The following PLCD4 variants were observed in gnomAD, a reference collection of about 807,000 sequenced individuals.
The protein encoded by PLCD4 is 1-phosphatidylinositol 4,5-bisphosphate phosphodiesterase delta-4.
In PLCD4, 63 loss-of-function variants were observed where a neutral mutation model predicts 90.2. That is an observed-to-expected ratio of 0.70 (90% CI 0.57 to 0.86). The LOEUF is 0.86. PLCD4 is among the 40% of genes least tolerant of loss of function. The pLI is 0.00. For synonymous variants in PLCD4, 294 were observed against 356.5 expected (o/e 0.82, Z 1.97); for missense variants, 830 against 956.3 (o/e 0.87, Z 1.74).
chr2:218,608,824 G>A (rs554567673), intron 1 of PLCD4, among the ~76,000 whole-genome samples: 2 of 152,220 alleles, frequency 1.3e-5, no homozygotes, highest in Admixed American at 6.5e-5. Context: ...ATGTAGCTGG[G>A]AATGTCTGGA....
rs150868355 is a variant in PLCD4 at position 218,632,792 on chromosome 2, G to A, written c.1449+480G>A. Among the ~76,000 whole-genome samples the A allele has an allele frequency of 2.5e-3, 380 of 152,230 alleles. 2 individuals carry two copies. The highest frequency in any genetic ancestry group is 8.6e-3 in the African/African-American group (357 of 41,540). ...AAGTGGGCATAGAGAAAGCTTTTTG[G>A]AAAGGATGAGTTTTAGGAAGGGCCA... On this transcript the variant is annotated intron_variant, in intron 10 of 15. Transcript: ENST00000450993.
At chr2:218,635,970 CATG>C (rs1696716819) in intron 14 of PLCD4, 39 bp downstream of exon 14, 1 of 1,613,108 alleles carries the variant, frequency 6.2e-7, no homozygotes, top group Non-Finnish European at 8.5e-7. Context: ...GGGGTAGGAG[CATG>C]ATTAGTTTTC....
intron 15 of PLCD4, 22 bp downstream of exon 15, chr2:218,636,414 CT>C (rs1174502464): frequency 6.2e-7 from 1 of 1,613,896 alleles, no homozygotes; most frequent in Non-Finnish European, 8.5e-7. Context: ...CCTTTGGCCC[CT>C]GGCCAATACC....
chr2:218,608,136 G>T, intron 1 of PLCD4, 66 bp downstream of exon 1: 1 of 152,618 alleles, frequency 6.6e-6, no homozygotes. Context: ...CCCTACCTCT[G>T]CCCTCTAGAT....
chr2:218,633,905 C>T (rs1367814682), intron 11 of PLCD4, 144 bp downstream of exon 11: 1 of 1,230,536 alleles, frequency 8.1e-7, no homozygotes. Flanking sequence ...CAGACAAGGG[C>T]AGAGGAGTTA....
At chr2:218,632,088 G>A in intron 9 of PLCD4, 48 bp from the exon 10 acceptor site, 1 of 1,520,420 alleles carries the variant, frequency 6.6e-7, no homozygotes, top group Non-Finnish European at 8.8e-7. Context: ...TTCCCAGAAG[G>A]ACCCAAGAGC....
intron 1 of PLCD4, among the ~76,000 whole-genome samples, chr2:218,612,782 AAAAG>A (rs1302326281): frequency 6.6e-6 from 1 of 152,118 alleles, no homozygotes; most frequent in African/African-American, 2.4e-5. Context: ...AAAACAAAAA[AAAAG>A]AAAGTCTTCT....
chr2:218,633,035 C>T (rs1696474120), intron 10 of PLCD4, among the ~76,000 whole-genome samples: 1 of 152,098 alleles, frequency 6.6e-6, no homozygotes, highest in Non-Finnish European at 1.5e-5. Flanking sequence ...TTATCCTGTG[C>T]TTTCTGGGGC....
At chr2:218,616,421 T>C (rs1450963948) in intron 3 of PLCD4, among the ~76,000 whole-genome samples, 3 of 152,060 alleles carry the variant, frequency 2.0e-5, no homozygotes, top group African/African-American at 7.2e-5. Flanking sequence ...ATCAAGTAGT[T>C]AAGCTATGGC....
At position 218,630,886 on chromosome 2, in the gene PLCD4, G is replaced by C; in HGVS notation, c.1272+84G>C. 4.3e-6 allele frequency: 6 copies of C among 1,405,396 alleles called. No individual in the cohort carries two copies. The South Asian group carries it at 8.8e-5, about 21-fold the overall frequency. 87.1% of individuals were successfully genotyped at this position (1,405,396 alleles called of 1,614,324 possible). Reference sequence around the variant, plus strand: ...GGCTCCTTCCTCTATGCCCCTCTTTGTTCCCTTCTTTCTATCCTCGGATGG... The same window carrying C: ...GGCTCCTTCCTCTATGCCCCTCTTTCTTCCCTTCTTTCTATCCTCGGATGG... On this transcript the variant is annotated intron_variant, in intron 9 of 15. Transcript: ENST00000450993.
Position 218,636,563 on chromosome 2 carries a change from G to A in PLCD4, c.2275G>A (p.Gly759Arg), listed in dbSNP as rs201417059. Residue 759 changes from glycine (G) to arginine (R), a missense_variant, in exon 16 of 16, where the codon GGG (glycine) becomes AGG (arginine). By Grantham distance (125) the Gly-to-Arg change is moderately radical. Coordinates refer to ENST00000450993, the MANE Select transcript of PLCD4 (RefSeq NM_032726.4). ...VYICIQEGLE[G>R]DES The stretch of plus-strand genomic sequence containing the variant: ...TATCTGCATCCAGGAAGGCCTGGAG[G>A]GGGATGAGTCCTGAGGTGGGCATTT... 27 of 1,614,028 alleles carry A rather than the reference G, an allele frequency of 1.7e-5. No homozygotes were observed. The Admixed American group carries it at 2.5e-4, about 15-fold the overall frequency.
intron 6 of PLCD4, among the ~76,000 whole-genome samples, chr2:218,625,983 C>T (rs2106146179): frequency 6.6e-6 from 1 of 151,572 alleles, no homozygotes; most frequent in Middle Eastern, 3.4e-3. Flanking sequence ...GAAACTTCCA[C>T]CAGGTATGGT....
intron 3 of PLCD4, among the ~76,000 whole-genome samples, chr2:218,616,921 T>TAAAAA: frequency 4.0e-5 from 1 of 24,942 alleles, no homozygotes; most frequent in African/African-American, 1.6e-4. Context: ...TATATATATA[T>TAAAAA]ATATATAGAG....
chr2:218,610,076 G>A (rs1348574593), intron 1 of PLCD4: 1 of 152,126 alleles, frequency 6.6e-6, no homozygotes, highest in Non-Finnish European at 1.5e-5. Context: ...GAGGCCAGGA[G>A]TTTAAAACTA....
chr2:218,637,161 T>C lies in PLCD4; in HGVS notation c.*584T>C. ...TCCTCCTTAGCCCCACTGGTATAAA[T>C]ACATCTCTCTCCAATTTGGCTTCAA... is the stretch of plus-strand genomic sequence containing the variant. On this transcript the variant is annotated 3_prime_UTR_variant, in exon 16 of 16. Coordinates refer to ENST00000450993, the MANE Select transcript of PLCD4 (RefSeq NM_032726.4). The C allele has an allele frequency of 3.7e-6, 1 of 267,314 alleles. No individual in the cohort carries two copies. Among genetic ancestry groups the C allele is most frequent in the Non-Finnish European group, 7.4e-6 (1 of 134,658 alleles). The allele number at this position is 267,314 out of a possible 1,614,324, so 16.6% of individuals were successfully genotyped here. A position where few individuals can be genotyped will look rare whatever the true frequency, so the allele number is the denominator to read the frequency against.
At chr2:218,617,050 C>T (rs1575017592) in intron 3 of PLCD4, among the ~76,000 whole-genome samples, 1 of 139,228 alleles carries the variant, frequency 7.2e-6, no homozygotes, top group African/African-American at 2.6e-5. Context: ...CTGCAAGCTC[C>T]GCCTTCCGGG....
chr2:218,616,726 T>TAC, intron 3 of PLCD4, among the ~76,000 whole-genome samples: 1 of 128,844 alleles, frequency 7.8e-6, no homozygotes, highest in Non-Finnish European at 1.6e-5. Context: ...AAAATACATA[T>TAC]ATACATACAT....
chr2:218,621,801 C>T (rs947102029), intron 5 of PLCD4, among the ~76,000 whole-genome samples: 6 of 152,084 alleles, frequency 3.9e-5, no homozygotes, highest in African/African-American at 7.2e-5. Flanking sequence ...ATAATTCGGC[C>T]GGGCGCAGTG....
At chr2:218,632,546 T>C (rs1315065328) in intron 10 of PLCD4, among the ~76,000 whole-genome samples, 1 of 152,088 alleles carries the variant, frequency 6.6e-6, no homozygotes, top group Non-Finnish European at 1.5e-5. Flanking sequence ...TTTTTTAAAA[T>C]GAAATCTTAC....
Sources: allele counts gnomAD v4.1 joint callset (sites outside exome capture counted in the v4.1 genomes callset), GRCh38; gene constraint gnomAD v4.1.1; transcripts MANE v1.5; gene names NCBI Gene and HGNC (gene_info 2026-07-23, HGNC 2026-07-21).